SLC4A10: variants seen among roughly 807,000 people sequenced by gnomAD.
The protein encoded by SLC4A10 is solute carrier family 4 member 10, also known as sodium-driven chloride bicarbonate exchanger.
SLC4A10 carries 42 observed loss-of-function variants against 137.7 expected under a neutral mutation model. The ratio of observed to expected loss-of-function variants is 0.30; its 90% CI spans 0.24 to 0.39. The LOEUF is 0.39. Ranked by LOEUF, SLC4A10 falls within the 10% of genes least tolerant of loss-of-function variation. The pLI, the probability that SLC4A10 is intolerant of heterozygous loss-of-function variation, is 1.00. For missense variants in SLC4A10, 925 were observed against 1,355.0 expected (o/e 0.68, Z 4.98); for synonymous variants, 474 against 464.1 (o/e 1.02, Z -0.27).
Position 161,697,702 on chromosome 2 carries a change from A to C in SLC4A10, c.48+73136A>C, listed in dbSNP as rs1369269241. 2.6e-5 allele frequency among the ~76,000 whole-genome samples: 4 copies of C among 152,148 alleles called. No individual in the cohort carries two copies. The East Asian group carries it at 7.7e-4, about 29-fold the overall frequency. On this transcript the variant is annotated intron_variant, in intron 1 of 26. Coordinates refer to ENST00000446997, the MANE Select transcript of SLC4A10 (RefSeq NM_001178015.2). Reference sequence around the variant, plus strand: ...GTACCAGTACCATGCTGTTTTGGTTACTGTAGGCTTGTAGTATAGTTTGAA... The same window carrying C: ...GTACCAGTACCATGCTGTTTTGGTTCCTGTAGGCTTGTAGTATAGTTTGAA...
chr2:161,902,898 T>G (rs1439342648), intron 12 of SLC4A10, among the ~76,000 whole-genome samples: 1 of 152,124 alleles, frequency 6.6e-6, no homozygotes, highest in Non-Finnish European at 1.5e-5. Context: ...AATGAAACAG[T>G]TTTTTATGAT....
chr2:161,754,102 G>A (rs2049316447), intron 1 of SLC4A10, among the ~76,000 whole-genome samples: 1 of 151,802 alleles, frequency 6.6e-6, no homozygotes, highest in Non-Finnish European at 1.5e-5. Context: ...ATGTGGCCCC[G>A]GGGTTTGGCT....
At chr2:161,746,236 T>G (rs2048370214) in intron 1 of SLC4A10, among the ~76,000 whole-genome samples, 1 of 152,038 alleles carries the variant, frequency 6.6e-6, no homozygotes, top group Non-Finnish European at 1.5e-5. Flanking sequence ...GGCCTGGGTT[T>G]GGAGGTTTAG....
intron 1 of SLC4A10, among the ~76,000 whole-genome samples, chr2:161,712,703 A>G (rs1429401179): frequency 6.6e-6 from 1 of 151,766 alleles, no homozygotes; most frequent in Non-Finnish European, 1.5e-5. Context: ...TTCTCAATAA[A>G]CTTCAAAGAG....
chr2:161,828,803 TATATATG>T (rs1487718775), intron 3 of SLC4A10, among the ~76,000 whole-genome samples: 55 of 121,030 alleles, frequency 4.5e-4, no homozygotes, highest in African/African-American at 1.4e-3. Context: ...TATATATATA[TATATATG>T]TATAATCTAC....
At chr2:161,668,512 A>G (rs1199222751) in intron 1 of SLC4A10, among the ~76,000 whole-genome samples, 1 of 151,822 alleles carries the variant, frequency 6.6e-6, no homozygotes, top group African/African-American at 2.4e-5. Flanking sequence ...GTAATCAACT[A>G]GAGAACATGT....
At chr2:161,629,004 A>G (rs916007655) in intron 1 of SLC4A10, among the ~76,000 whole-genome samples, 4 of 151,906 alleles carry the variant, frequency 2.6e-5, no homozygotes, top group Non-Finnish European at 5.9e-5. Flanking sequence ...TTTCTTTCTA[A>G]CCTTGAATGA....
chr2:161,837,619 A>G (rs2058900050), intron 3 of SLC4A10, among the ~76,000 whole-genome samples: 1 of 152,206 alleles, frequency 6.6e-6, no homozygotes, highest in South Asian at 2.1e-4. Flanking sequence ...AAAGGCAAAA[A>G]GATTAGAATA....
intron 2 of SLC4A10, among the ~76,000 whole-genome samples, chr2:161,783,227 T>A (rs2053248417): frequency 6.6e-6 from 1 of 151,846 alleles, no homozygotes; most frequent in African/African-American, 2.4e-5. Context: ...CTAGACCAAA[T>A]GAAACTGTCC....
chr2:161,823,392 T>C (rs1396594290), intron 3 of SLC4A10, among the ~76,000 whole-genome samples: 1 of 152,236 alleles, frequency 6.6e-6, no homozygotes, highest in Non-Finnish European at 1.5e-5. Flanking sequence ...CACCTTGTGA[T>C]GCTAATCACG....
chr2:161,912,219 G>A (rs13415371), intron 15 of SLC4A10, among the ~76,000 whole-genome samples: 2,598 of 152,148 alleles, frequency 0.017, 80 homozygotes, highest in African/African-American at 0.059. Context: ...ATCTTAAATG[G>A]AATTATCTTT....
chr2:161,680,250 G>C (rs762521751), intron 1 of SLC4A10, among the ~76,000 whole-genome samples: 7 of 152,078 alleles, frequency 4.6e-5, no homozygotes, highest in Admixed American at 2.6e-4. Context: ...TAAGGGCAAG[G>C]TTGCTGTCAT....
At chr2:161,867,180 G>A (rs917952784) in intron 6 of SLC4A10, among the ~76,000 whole-genome samples, 3 of 151,912 alleles carry the variant, frequency 2.0e-5, no homozygotes, top group Non-Finnish European at 2.9e-5. Context: ...CATATGTATT[G>A]TGCATAATAT....
intron 1 of SLC4A10, among the ~76,000 whole-genome samples, chr2:161,716,818 A>G (rs978571599): frequency 1.3e-5 from 2 of 152,012 alleles, no homozygotes; most frequent in Non-Finnish European, 2.9e-5. Context: ...ATGAATTTTA[A>G]AATTTTTTTT....
At chr2:161,744,063 A>G (rs1457173793) in intron 1 of SLC4A10, among the ~76,000 whole-genome samples, 1 of 152,158 alleles carries the variant, frequency 6.6e-6, no homozygotes, top group Non-Finnish European at 1.5e-5. Context: ...CAAGTATAAA[A>G]TAATCTGCAA....
chr2:161,925,150 A>G (rs1250780557), intron 15 of SLC4A10, among the ~76,000 whole-genome samples: 1 of 152,134 alleles, frequency 6.6e-6, no homozygotes, highest in Non-Finnish European at 1.5e-5. Flanking sequence ...TACAATAGCT[A>G]AAAGAGTAGG....
At chr2:161,759,906 A>C (rs1233703518) in intron 1 of SLC4A10, among the ~76,000 whole-genome samples, 1 of 152,010 alleles carries the variant, frequency 6.6e-6, no homozygotes, top group Non-Finnish European at 1.5e-5. Flanking sequence ...TAGAGTAACA[A>C]AAATTTTTCC....
In SLC4A10 at chr2:161,664,711, C is replaced by CTT. The variant is rs11428885; in HGVS notation, c.48+40154_48+40155dup. ...CTAAGTTTAGTGGGGATTTTTTCTC[C>CTT]TTTTTTTTTTCCAATTTTTAGGGTG... On this transcript the variant is annotated intron_variant, in intron 1 of 26. Coordinates refer to ENST00000446997, the MANE Select transcript of SLC4A10 (RefSeq NM_001178015.2). Among the ~76,000 whole-genome samples the CTT allele has an allele frequency of 0.018, 2,657 of 148,318 alleles. 152 individuals are homozygous for CTT. In the East Asian group the frequency reaches 0.2, roughly 11 times the overall value.
intron 2 of SLC4A10, among the ~76,000 whole-genome samples, chr2:161,795,093 A>G (rs1015727082): frequency 2.0e-5 from 3 of 152,072 alleles, no homozygotes; most frequent in Non-Finnish European, 2.9e-5. Flanking sequence ...GTATGTTAAT[A>G]TATGTCCCTG....
Sources: allele counts gnomAD v4.1 joint callset (sites outside exome capture counted in the v4.1 genomes callset), GRCh38; gene constraint gnomAD v4.1.1; transcripts MANE v1.5; gene names NCBI Gene and HGNC (gene_info 2026-07-23, HGNC 2026-07-21).